The following ZNF831 variants were observed in gnomAD, a reference collection of about 807,000 sequenced individuals.
ZNF831 encodes chromosome 20 open reading frame 174.
A neutral mutation model predicts 95.8 loss-of-function variants in ZNF831; 59 were observed. That is an observed-to-expected ratio of 0.62 (90% confidence interval 0.50 to 0.77). The LOEUF is 0.77. Ranked by LOEUF, ZNF831 falls within the 30% of genes least tolerant of loss-of-function variation. The pLI is 0.00. For synonymous variants in ZNF831, 961 were observed against 925.5 expected, an observed-to-expected ratio of 1.04 and a Z score of -0.70; for missense variants, 2,205 against 2,164.0, an observed-to-expected ratio of 1.02 and a Z score of -0.38.
chr20:59,156,511 G>A (rs949350143), intron 2 of ZNF831, among the ~76,000 whole-genome samples: 33 of 152,154 alleles, frequency 2.2e-4, no homozygotes, highest in Non-Finnish European at 4.3e-4. Context: ...GGGCGACAGG[G>A]TGAGACTCTG....
intron 2 of ZNF831, among the ~76,000 whole-genome samples, chr20:59,150,997 C>G (rs1258066017): frequency 2.0e-5 from 3 of 152,178 alleles, no homozygotes; most frequent in Non-Finnish European, 2.9e-5. Context: ...GCCCGCCTGC[C>G]CAGATGGGAG....
intron 1 of ZNF831, among the ~76,000 whole-genome samples, chr20:59,124,408 A>T (rs1372401293): frequency 2.6e-5 from 4 of 152,136 alleles, no homozygotes; most frequent in Non-Finnish European, 1.5e-5. Flanking sequence ...GTGCCACATA[A>T]GGTTTGTTTT....
At chr20:59,128,645 C>A (rs1601288235) in intron 1 of ZNF831, among the ~76,000 whole-genome samples, 1 of 152,160 alleles carries the variant, frequency 6.6e-6, no homozygotes, top group South Asian at 2.1e-4. Flanking sequence ...AGATGGTAGC[C>A]ACTTGTTGGG....
chr20:59,215,454 A>G (rs1053309624), intron 4 of ZNF831, among the ~76,000 whole-genome samples: 6 of 152,254 alleles, frequency 3.9e-5, no homozygotes, highest in Non-Finnish European at 8.8e-5. Context: ...GTTCAGGGCT[A>G]TATTTCCAAT....
At chr20:59,154,339 G>T (rs143375952) in intron 2 of ZNF831, among the ~76,000 whole-genome samples, 1 of 152,180 alleles carries the variant, frequency 6.6e-6, no homozygotes, top group South Asian at 2.1e-4. Flanking sequence ...ACACATAACC[G>T]TGTTGGGACA....
chr20:59,212,787 C>T (rs1985432459), intron 4 of ZNF831, among the ~76,000 whole-genome samples: 1 of 152,216 alleles, frequency 6.6e-6, no homozygotes, highest in African/African-American at 2.4e-5. Flanking sequence ...CCCTAATAGA[C>T]TGACTGCTGG....
intron 3 of ZNF831, among the ~76,000 whole-genome samples, chr20:59,198,004 G>A (rs552364915): frequency 3.3e-5 from 5 of 152,192 alleles, no homozygotes; most frequent in African/African-American, 4.8e-5. Flanking sequence ...TGGGGAGAGG[G>A]AAGAGGATGG....
chr20:59,145,463 A>G (rs891919097), intron 1 of ZNF831, among the ~76,000 whole-genome samples: 1 of 152,240 alleles, frequency 6.6e-6, no homozygotes, highest in East Asian at 1.9e-4. Flanking sequence ...CCAGAGCAAT[A>G]CAGGATGCAA....
At chr20:59,210,296 G>A (rs564498201) in intron 4 of ZNF831, among the ~76,000 whole-genome samples, 1 of 152,320 alleles carries the variant, frequency 6.6e-6, no homozygotes, top group South Asian at 2.1e-4. Flanking sequence ...AAGTGACCAC[G>A]GGTAGCCTCG....
chr20:59,249,943 G>C (rs1987800921), intron 4 of ZNF831, among the ~76,000 whole-genome samples: 1 of 152,196 alleles, frequency 6.6e-6, no homozygotes, highest in Admixed American at 6.5e-5. Context: ...AAACTGGAGT[G>C]CAGAGTCTGA....
chr20:59,134,130 G>A lies in ZNF831; in HGVS notation c.-1425+10625G>A, dbSNP rs148075044. Among the ~76,000 whole-genome samples the A allele has an allele frequency of 1.2e-3, 177 of 152,262 alleles. 1 individual carries two copies. In the Middle Eastern group the frequency reaches 0.027, roughly 23 times the overall value. ...GGACCACCCCAGAACCCTCTAATGT[G>A]GACTATCATGCCCAGAATCTTGCTG... is the stretch of plus-strand genomic sequence containing the variant. On this transcript the variant is annotated intron_variant, in intron 1 of 7. Coordinates refer to the ZNF831 transcript ENST00000637017.
intron 4 of ZNF831, among the ~76,000 whole-genome samples, chr20:59,215,513 G>T (rs1033685913): frequency 1.3e-5 from 2 of 152,228 alleles, no homozygotes; most frequent in Non-Finnish European, 2.9e-5. Context: ...AGGCACTTTC[G>T]ATTTAGGAAG....
intron 1 of ZNF831, among the ~76,000 whole-genome samples, chr20:59,144,874 A>G (rs1979792987): frequency 6.6e-6 from 1 of 152,070 alleles, no homozygotes; most frequent in African/African-American, 2.4e-5. Flanking sequence ...ATCTCATTTA[A>G]TTTTTATAGT....
At chr20:59,215,970 G>C (rs993850355) in intron 4 of ZNF831, among the ~76,000 whole-genome samples, 2 of 152,214 alleles carry the variant, frequency 1.3e-5, no homozygotes, top group Admixed American at 6.5e-5. Context: ...AGATTTGGAA[G>C]TGTTAGGGAA....
At chr20:59,246,741 G>A (rs1199954779) in intron 4 of ZNF831, among the ~76,000 whole-genome samples, 1 of 152,220 alleles carries the variant, frequency 6.6e-6, no homozygotes, top group Admixed American at 6.5e-5. Flanking sequence ...AAAAATGGTT[G>A]TTGAAGTAAA....
chr20:59,243,083 G>C (rs1011805849), intron 4 of ZNF831, among the ~76,000 whole-genome samples: 1 of 152,200 alleles, frequency 6.6e-6, no homozygotes, highest in African/African-American at 2.4e-5. Flanking sequence ...TTTAACTCCA[G>C]GGCAAGGCAG....
chr20:59,170,217 C>T (rs1981618113), intron 1 of ZNF831, among the ~76,000 whole-genome samples: 1 of 152,100 alleles, frequency 6.6e-6, no homozygotes, highest in Non-Finnish European at 1.5e-5. Context: ...TACAGGCATG[C>T]AGTGTGAAAT....
chr20:59,194,395 TC>T lies in ZNF831; in HGVS notation c.3382del (p.Leu1128SerfsTer50), dbSNP rs1379827444. 6.2e-7 allele frequency: 1 copy of T among 1,609,588 alleles called. No homozygotes were observed. The highest frequency in any genetic ancestry group is 8.5e-7 in the Non-Finnish European group (1 of 1,178,062). ...SGPLVGPDPC[S>X]PLQPGSFLTA... The stretch of plus-strand genomic sequence containing the variant: ...GCCCCTGGTGGGCCCCGACCCGTGT[TC>T]CCCCCTCCAGCCTGGCTCCTTCCTC... On this transcript the variant is annotated frameshift_variant, in exon 2 of 6. Coordinates refer to ENST00000371030, the MANE Select transcript of ZNF831 (RefSeq NM_178457.3). LOFTEE classifies it high-confidence loss of function.
intron 4 of ZNF831, among the ~76,000 whole-genome samples, chr20:59,240,672 G>C (rs1377608271): frequency 2.0e-5 from 3 of 151,842 alleles, no homozygotes; most frequent in Non-Finnish European, 4.4e-5. Flanking sequence ...CGTGGTGGCG[G>C]GCGCCTGTAG....
Sources: gnomAD v4.1 joint callset for allele counts (sites outside exome capture counted in the v4.1 genomes callset) on GRCh38, gnomAD v4.1.1 for gene constraint, MANE v1.5 for transcripts, NCBI Gene and HGNC (gene_info 2026-07-23, HGNC 2026-07-21) for gene names.